The following ZNF362 variants were observed in gnomAD, a reference collection of about 807,000 sequenced individuals.
ZNF362 encodes the protein rotund homolog.
Under a neutral mutation model 42.9 loss-of-function variants are expected in ZNF362, and 11 were observed. The ratio of observed to expected loss-of-function variants is 0.26; its 90% confidence interval spans 0.16 to 0.42. The LOEUF (loss-of-function observed/expected upper bound fraction) is 0.42. Ranked by LOEUF, ZNF362 falls within the 20% of genes least tolerant of loss-of-function variation. ZNF362 has a pLI of 1.00. For missense variants in ZNF362, 362 were observed against 576.2 expected (o/e 0.63, Z 3.81); for synonymous variants, 255 against 257.3 (o/e 0.99, Z 0.09).
At chr1:33,187,369 C>T in the ZNF362 span, among the ~76,000 whole-genome samples, 1 of 152,200 alleles carries the variant, frequency 6.6e-6, no homozygotes, top group Non-Finnish European at 1.5e-5. Flanking sequence ...TGCACCTGCT[C>T]AGATAAACTT....
the ZNF362 span, among the ~76,000 whole-genome samples, chr1:33,167,875 T>C: frequency 0.036 from 5,498 of 152,320 alleles, 148 homozygotes; most frequent in African/African-American, 0.073. The surrounding 1 kb of genome is among the most constrained non-coding windows in gnomAD (Gnocchi z 4.2). Flanking sequence ...AATTATTCAT[T>C]TAAAAAACAT....
At chr1:33,218,982 T>TACAC in the ZNF362 span, among the ~76,000 whole-genome samples, 23 of 77,958 alleles carry the variant, frequency 3.0e-4, no homozygotes, top group Non-Finnish European at 6.3e-4. Flanking sequence ...CACACACACA[T>TACAC]ACACCACCCC....
the ZNF362 span, among the ~76,000 whole-genome samples, chr1:33,251,302 T>G: frequency 6.6e-6 from 1 of 152,216 alleles, no homozygotes; most frequent in African/African-American, 2.4e-5. Context: ...ACCTCCTGCT[T>G]TCTTACTCCC....
At chr1:33,179,085 T>C in the ZNF362 span, among the ~76,000 whole-genome samples, 1 of 152,232 alleles carries the variant, frequency 6.6e-6, no homozygotes, top group African/African-American at 2.4e-5. Context: ...AGGCCTCACT[T>C]TCCATTCCTA....
At chr1:33,134,437 C>T in the ZNF362 span, among the ~76,000 whole-genome samples, 2 of 152,054 alleles carry the variant, frequency 1.3e-5, no homozygotes, top group African/African-American at 4.8e-5. Context: ...AATAATACTG[C>T]CTCTGTTTAT....
intron 6 of ZNF362, among the ~76,000 whole-genome samples, chr1:33,287,013 G>A (rs1048130817): frequency 1.3e-5 from 2 of 152,194 alleles, no homozygotes; most frequent in East Asian, 1.9e-4. Context: ...GTTGAGTGGC[G>A]TTGGAGCATC....
the ZNF362 span, among the ~76,000 whole-genome samples, chr1:33,240,109 T>C: frequency 6.6e-6 from 1 of 152,156 alleles, no homozygotes; most frequent in Non-Finnish European, 1.5e-5. Flanking sequence ...GACATTAGTG[T>C]GGTCTTAGAG....
the ZNF362 span, chr1:33,160,084 C>CTTTTGCATGTG: frequency 9.2e-7 from 1 of 1,089,314 alleles, no homozygotes; most frequent in Non-Finnish European, 1.3e-6. Flanking sequence ...ATGTCACATG[C>CTTTTGCATGTG]AAAAGCATGG....
chr1:33,270,470 T>G lies in ZNF362; in HGVS notation c.-88-17T>G. 1.5e-6 allele frequency: 1 copy of G among 675,668 alleles called. No individual in the cohort carries two copies. Among genetic ancestry groups the G allele is most frequent in the African/African-American group, 1.8e-5 (1 of 55,908 alleles). 41.9% of individuals were successfully genotyped at this position (675,668 alleles called of 1,614,324 possible). On this transcript the variant is annotated splice_polypyrimidine_tract_variant and intron_variant, in intron 1 of 8. Coordinates refer to ENST00000539719, the MANE Select transcript of ZNF362 (RefSeq NM_152493.3). ...ATTATTATTGTTATTATTGTTATTG[T>G]TATTCCCATATACAAGGTGCTGTTG...
At chr1:33,279,987 C>T in intron 4 of ZNF362, 137 bp from the exon 5 acceptor site, 2 of 992,314 alleles carry the variant, frequency 2.0e-6, no homozygotes, top group Non-Finnish European at 2.8e-6. Context: ...TGCACAAGGT[C>T]TCATTTAGTT....
the ZNF362 span, among the ~76,000 whole-genome samples, chr1:33,247,384 G>A: frequency 2.0e-5 from 3 of 152,250 alleles, no homozygotes; most frequent in Non-Finnish European, 2.9e-5. Flanking sequence ...CACCCAAAAT[G>A]CAGGGCTGCG....
intron 1 of ZNF362, among the ~76,000 whole-genome samples, chr1:33,268,038 T>G (rs1402687987): frequency 3.9e-5 from 6 of 152,248 alleles, no homozygotes; most frequent in African/African-American, 1.4e-4. Flanking sequence ...TTCTTATTTC[T>G]TTTTCCTATT....
At chr1:33,129,609 CTT>C in the ZNF362 span, among the ~76,000 whole-genome samples, 1 of 152,192 alleles carries the variant, frequency 6.6e-6, no homozygotes, top group South Asian at 2.1e-4. The surrounding 1 kb of genome is among the most constrained non-coding windows in gnomAD (Gnocchi z 4.1). Flanking sequence ...ATGTATGACT[CTT>C]TTGTGTAAAT....
At chr1:33,223,893 C>CAAAA in the ZNF362 span, among the ~76,000 whole-genome samples, 1 of 85,438 alleles carries the variant, frequency 1.2e-5, no homozygotes, top group Non-Finnish European at 2.3e-5. Context: ...AACTCCATCT[C>CAAAA]AAAAAAAAAA....
the ZNF362 span, among the ~76,000 whole-genome samples, chr1:33,166,582 A>G: frequency 6.6e-6 from 1 of 152,190 alleles, no homozygotes; most frequent in African/African-American, 2.4e-5. Context: ...CTGATGGAGA[A>G]AAAGATACAG....
chr1:33,269,930 C>T (rs1310309518), intron 1 of ZNF362, among the ~76,000 whole-genome samples: 1 of 152,190 alleles, frequency 6.6e-6, no homozygotes, highest in Non-Finnish European at 1.5e-5. Flanking sequence ...CAGTTCCCCT[C>T]TCTGGAGCTT....
intron 8 of ZNF362, among the ~76,000 whole-genome samples, chr1:33,295,518 C>A (rs1646116227): frequency 6.6e-6 from 1 of 152,206 alleles, no homozygotes; most frequent in African/African-American, 2.4e-5. Context: ...TGACCAAGCC[C>A]CTAGCCTCCT....
chr1:33,250,500 A>G, the ZNF362 span, among the ~76,000 whole-genome samples: 1 of 152,260 alleles, frequency 6.6e-6, no homozygotes, highest in African/African-American at 2.4e-5. Flanking sequence ...AAAACCAAAC[A>G]CTGAATGTTC....
chr1:33,216,415 C>T, the ZNF362 span, among the ~76,000 whole-genome samples: 7 of 148,328 alleles, frequency 4.7e-5, no homozygotes, highest in Admixed American at 6.8e-5. Context: ...GACTGACCAA[C>T]ATGGTGAAAC....
Sources: gnomAD v4.1 joint callset for allele counts (sites outside exome capture counted in the v4.1 genomes callset) on GRCh38, gnomAD v4.1.1 for gene constraint, Gnocchi (gnomAD v3.1) non-coding constraint, MANE v1.5 for transcripts, NCBI Gene and HGNC (gene_info 2026-07-23, HGNC 2026-07-21) for gene names.